LGALS12: variants seen among roughly 807,000 people sequenced by gnomAD.
The protein encoded by LGALS12 is galectin-12.
Under a neutral mutation model 36.8 loss-of-function variants are expected in LGALS12, and 36 were observed. That is an observed-to-expected ratio of 0.98 (90% CI 0.75 to 1.29). LGALS12 has a LOEUF of 1.29. Among genes scored for constraint, LGALS12 ranks in the 50% most tolerant of loss-of-function variants. The probability of loss-of-function intolerance (pLI) is 0.00; values close to 1 mark genes in which losing one functional copy is unlikely to be tolerated. For missense variants in LGALS12, 366 were observed against 394.3 expected (o/e 0.93, Z 0.61); for synonymous variants, 145 against 155.9 (o/e 0.93, Z 0.52).
chr11:63,506,503 T>C lies in LGALS12; in HGVS notation c.45T>C (p.Ile15=). Residue 15 remains isoleucine, a synonymous_variant, in exon 1 of 9, where the codon ATT becomes ATC. Coordinates refer to ENST00000394618, the MANE Select transcript of LGALS12 (RefSeq NM_033101.4). ...TGGACCCAATTCCTGACAGCTTCAT[T>C]CTGCAACCACCAGTCTTCCACCCGG... ...EKLDPIPDSF[I]LQPPVFHPVV... 6.2e-7 allele frequency: 1 copy of C among 1,614,160 alleles called. No individual in the cohort carries two copies. Among genetic ancestry groups the C allele is most frequent in the South Asian group, 1.1e-5 (1 of 91,082 alleles).
At chr11:63,509,293 C>T (rs2016844238) in intron 3 of LGALS12, among the ~76,000 whole-genome samples, 1 of 152,262 alleles carries the variant, frequency 6.6e-6, no homozygotes, top group South Asian at 2.1e-4. Flanking sequence ...ATTGAATGCT[C>T]ACAATAACCC....
chr11:63,506,286 G>A lies in LGALS12; in HGVS notation c.-173G>A, dbSNP rs76848303. ...CTGGTGTGGAGCCTGGAGGTCGCCC[G>A]CTGCCCTCCTAGGGCTGCTCCAGAC... On this transcript the variant is annotated 5_prime_UTR_variant, in exon 1 of 9. Coordinates refer to ENST00000394618, the MANE Select transcript of LGALS12 (RefSeq NM_033101.4). 2.2e-3 allele frequency: 2,871 copies of A among 1,323,526 alleles called. 56 individuals are homozygous for A. The African/African-American group carries it at 0.036, about 16-fold the overall frequency. 82.0% of individuals were successfully genotyped at this position (1,323,526 alleles called of 1,614,324 possible). A position where few individuals can be genotyped will look rare whatever the true frequency, so the allele number is the denominator to read the frequency against.
chr11:63,516,498 G>C lies in LGALS12; in HGVS notation c.*105G>C. The stretch of plus-strand genomic sequence containing the variant: ...CCATCCACCTGACACCAGCACATCA[G>C]GCCTGGTTCACCTCTGGGGTCACGA... On this transcript the variant is annotated 3_prime_UTR_variant, in exon 9 of 9. Coordinates refer to ENST00000394618, the MANE Select transcript of LGALS12 (RefSeq NM_033101.4). The C allele has an allele frequency of 7.4e-7, 1 of 1,353,922 alleles. No individual in the cohort carries two copies. Among genetic ancestry groups the C allele is most frequent in the Non-Finnish European group, 1.0e-6 (1 of 965,784 alleles). The allele number at this position is 1,353,922 out of a possible 1,614,324, so 83.9% of individuals were successfully genotyped here.
rs80310877 is a variant in LGALS12 at position 63,509,878 on chromosome 11, T to C, written c.473T>C (p.Val158Ala). Reference sequence around the variant, plus strand: ...TTTGGTGACATCCTGGTAGAGGCTGTTGGATTCCTGAACATCAATGTAAGT... The same window carrying C: ...TTTGGTGACATCCTGGTAGAGGCTGCTGGATTCCTGAACATCAATGTAAGT... ...GIFGDILVEAVGFLNINPFVE... is the reference protein window; with the variant it reads ...GIFGDILVEAAGFLNINPFVE... The change falls in exon 4 of 9, where the codon GTT (valine) becomes GCT (alanine). Residue 158 changes from valine to alanine, a missense_variant. By Grantham distance (64) the Val-to-Ala change is moderately conservative. Transcript: ENST00000394618. The C allele has an allele frequency of 1.2e-6, 2 of 1,614,006 alleles. No homozygotes were observed.
At chr11:63,511,656 C>T in intron 6 of LGALS12, 96 bp from the exon 7 acceptor site, 1 of 824,320 alleles carries the variant, frequency 1.2e-6, no homozygotes, top group Non-Finnish European at 2.1e-6. Context: ...CTGGGCAGAA[C>T]ATGCCTGCCC....
At chr11:63,511,038 A>G in intron 5 of LGALS12, 41 bp from the exon 6 acceptor site, 3 of 1,607,102 alleles carry the variant, frequency 1.9e-6, no homozygotes, top group East Asian at 2.2e-5. Context: ...TCCTGAGCAA[A>G]TACCACATGG....
At chr11:63,510,401 G>A in intron 4 of LGALS12, 62 bp from the exon 5 acceptor site, 1 of 1,537,332 alleles carries the variant, frequency 6.5e-7, no homozygotes, top group Non-Finnish European at 9.0e-7. Flanking sequence ...CACCTCCCAG[G>A]CATAGGTAGG....
chr11:63,509,417 G>C (rs2016847737), intron 3 of LGALS12, among the ~76,000 whole-genome samples: 1 of 152,220 alleles, frequency 6.6e-6, no homozygotes, highest in African/African-American at 2.4e-5. Flanking sequence ...CCAGAAACAT[G>C]ATGGGATCTT....
Position 63,516,586 on chromosome 11 carries a change from T to A in LGALS12, c.*193T>A. On this transcript the variant is annotated 3_prime_UTR_variant, in exon 9 of 9. Coordinates refer to ENST00000394618, the MANE Select transcript of LGALS12 (RefSeq NM_033101.4). ...ACAAGAGTGCAAAGGTTCCTCGAAC[T>A]CTGCACCTTCCTCCACCAGGAGCCT... The A allele has an allele frequency of 1.6e-6, 1 of 632,248 alleles. No homozygotes were observed. Among genetic ancestry groups the A allele is most frequent in the Non-Finnish European group, 2.7e-6 (1 of 366,522 alleles). 39.2% of individuals were successfully genotyped at this position (632,248 alleles called of 1,614,324 possible). A position where few individuals can be genotyped will look rare whatever the true frequency, so the allele number is the denominator to read the frequency against.
intron 7 of LGALS12, among the ~76,000 whole-genome samples, chr11:63,514,860 A>G (rs1357141612): frequency 6.6e-6 from 1 of 150,684 alleles, no homozygotes; most frequent in African/African-American, 2.5e-5. Context: ...CACATACATT[A>G]TCTCCTTTGT....
At chr11:63,506,612 G>C in intron 1 of LGALS12, 85 bp downstream of exon 1, 1 of 1,558,428 alleles carries the variant, frequency 6.4e-7, no homozygotes, top group Admixed American at 1.7e-5. Context: ...TGGTGGGGTG[G>C]AAAGGACCTC....
intron 1 of LGALS12, 54 bp downstream of exon 1, chr11:63,506,581 A>G (rs1053377435): frequency 6.2e-7 from 1 of 1,609,970 alleles, no homozygotes; most frequent in Non-Finnish European, 8.5e-7. Context: ...CTTCCCTTCC[A>G]ACTGGGCCCA....
chr11:63,511,807 T>C lies in LGALS12; in HGVS notation c.614T>C (p.Ile205Thr), dbSNP rs1205067763. Residue 205 changes from isoleucine to threonine, a missense_variant, in exon 7 of 9, where the codon ATA becomes ACA. Transcript: ENST00000394618. ...PQGLSPGQVIIVRGLVLQEPK... is the reference protein window; with the variant it reads ...PQGLSPGQVITVRGLVLQEPK... ...GGTCTCTCGCCTGGGCAGGTCATCA[T>C]AGTACGGGGACTGGTCTTGCAAGAG... is the stretch of plus-strand genomic sequence containing the variant. The C allele has an allele frequency of 6.2e-7, 1 of 1,613,764 alleles. No homozygotes were observed. The highest frequency in any genetic ancestry group is 8.5e-7 in the Non-Finnish European group (1 of 1,179,866).
rs1450494060 is a variant in LGALS12, at chr11:63,508,764, T to C, written c.159-14T>C. ...TGGTCAGAACCGCACTTTGAGAGCC[T>C]CACCTCCCAGTAGGTTTCAGGTGGA... On this transcript the variant is annotated splice_polypyrimidine_tract_variant and intron_variant, in intron 2 of 8. Coordinates refer to ENST00000394618, the MANE Select transcript of LGALS12 (RefSeq NM_033101.4). The C allele has an allele frequency of 9.9e-6, 16 of 1,613,962 alleles. No individual in the cohort carries two copies. The highest frequency in any genetic ancestry group is 1.7e-5 in the Admixed American group (1 of 60,006).
intron 5 of LGALS12, among the ~76,000 whole-genome samples, 190 bp from the exon 6 acceptor site, chr11:63,510,889 G>A (rs528873210): frequency 6.6e-5 from 10 of 152,308 alleles, no homozygotes; most frequent in South Asian, 2.1e-4. Context: ...CCTCCACCCC[G>A]TTCTTCCCTA....
chr11:63,506,558 C>T (rs754877036), intron 1 of LGALS12, 31 bp downstream of exon 1: 5 of 1,613,798 alleles, frequency 3.1e-6, no homozygotes, highest in South Asian at 2.2e-5. Flanking sequence ...GGAACCTCCT[C>T]GGTCTCTGGG....
chr11:63,515,396 T>G (rs2017047928), intron 7 of LGALS12, among the ~76,000 whole-genome samples, 167 bp from the exon 8 acceptor site: 1 of 152,266 alleles, frequency 6.6e-6, no homozygotes, highest in African/African-American at 2.4e-5. Context: ...TCCACTGTTC[T>G]GAGCATTCAG....
rs1437767038 is a variant in LGALS12 at position 63,508,824 on chromosome 11, G to C, written c.205G>C (p.Asp69His). Residue 69 changes from aspartate (D) to histidine (H), a missense_variant, in exon 3 of 9, where the codon GAT becomes CAT. Asp to His is a moderately conservative substitution (Grantham distance 81). Transcript: ENST00000394618. The stretch of plus-strand genomic sequence containing the variant: ...TGGCTGCAGCCTGTGTCCCCGGCCA[G>C]ATATCGCCTTCCACTTCAACCCTCG... ...QCGCSLCPRPDIAFHFNPRFH... is the reference protein window; with the variant it reads ...QCGCSLCPRPHIAFHFNPRFH... 6.2e-7 allele frequency: 1 copy of C among 1,614,222 alleles called. No individual in the cohort carries two copies. The highest frequency in any genetic ancestry group is 2.2e-5 in the East Asian group (1 of 44,884).
chr11:63,506,621 TCA>T lies in LGALS12; in HGVS notation c.69+95_69+96del. The T allele has an allele frequency of 2.6e-6, 4 of 1,513,646 alleles. No homozygotes were observed. The Admixed American group carries it at 6.9e-5, about 26-fold the overall frequency. The allele number at this position is 1,513,646 out of a possible 1,614,324, so 93.8% of individuals were successfully genotyped here. ...CCTGGGTGGTGGGGTGGAAAGGACC[TCA>T]GTCTTTCTGCTTCTCCCAGCACCTG... is the stretch of plus-strand genomic sequence containing the variant. On this transcript the variant is annotated intron_variant, in intron 1 of 8. Transcript: ENST00000394618.
Sources: allele counts gnomAD v4.1 joint callset (sites outside exome capture counted in the v4.1 genomes callset), GRCh38; gene constraint gnomAD v4.1.1; transcripts MANE v1.5; gene names NCBI Gene and HGNC (gene_info 2026-07-23, HGNC 2026-07-21).